PPP1R9A: variants seen among roughly 807,000 people sequenced by gnomAD.
PPP1R9A encodes protein phosphatase 1 regulatory subunit 9A, also known as neurabin-1.
In PPP1R9A, 59 loss-of-function variants were observed where a neutral mutation model predicts 141.9. The ratio of observed to expected loss-of-function variants is 0.42; its 90% CI spans 0.34 to 0.52. PPP1R9A has a LOEUF of 0.52. Ranked by LOEUF, PPP1R9A falls within the 20% of genes least tolerant of loss-of-function variation. The pLI, the probability that PPP1R9A is intolerant of heterozygous loss-of-function variation, is 0.10. For synonymous variants in PPP1R9A, 500 were observed against 569.7 expected (o/e 0.88, Z 1.74); for missense variants, 1,444 against 1,611.9 (o/e 0.90, Z 1.78).
In PPP1R9A at chr7:95,239,637, A is replaced by C. The variant is rs993712981; in HGVS notation, c.2113-7836A>C. On this transcript the variant is annotated intron_variant, in intron 8 of 19. Coordinates refer to ENST00000433360, the MANE Select transcript of PPP1R9A (RefSeq NM_001166160.2). The stretch of plus-strand genomic sequence containing the variant: ...AAAATTTAACCAATTTAAGTTTATA[A>C]TTATAATTATGCAAGATATAGGTGT... Among the ~76,000 whole-genome samples, 4 of 152,194 alleles carry C rather than the reference A, an allele frequency of 2.6e-5. No individual in the cohort carries two copies. The East Asian group carries it at 7.7e-4, about 29-fold the overall frequency.
chr7:95,096,096 A>G (rs560062399), intron 2 of PPP1R9A, among the ~76,000 whole-genome samples: 2 of 152,314 alleles, frequency 1.3e-5, no homozygotes, highest in South Asian at 4.1e-4. Context: ...TTTGACTCTT[A>G]CAGATAGTGC....
chr7:95,277,585 A>G (rs1803432651), intron 16 of PPP1R9A, among the ~76,000 whole-genome samples: 2 of 151,894 alleles, frequency 1.3e-5, no homozygotes, highest in African/African-American at 4.8e-5. Flanking sequence ...GTGTGCCACC[A>G]TGTCCAGCTT....
chr7:95,193,328 A>G (rs1245330909), intron 5 of PPP1R9A, among the ~76,000 whole-genome samples: 2 of 152,036 alleles, frequency 1.3e-5, no homozygotes, highest in Non-Finnish European at 2.9e-5. Context: ...CATGAGATGA[A>G]TTGTCTGTCT....
At chr7:95,134,685 T>G (rs1383793894) in intron 4 of PPP1R9A, among the ~76,000 whole-genome samples, 2 of 152,154 alleles carry the variant, frequency 1.3e-5, no homozygotes, top group Non-Finnish European at 2.9e-5. Flanking sequence ...TGTACCCACC[T>G]TGGCCCCCCA....
At chr7:95,205,244 A>T (rs1326642355) in intron 7 of PPP1R9A, among the ~76,000 whole-genome samples, 1 of 152,236 alleles carries the variant, frequency 6.6e-6, no homozygotes, top group Admixed American at 6.5e-5. Flanking sequence ...TATGATGCAA[A>T]TGATTTGAAT....
chr7:95,051,959 C>A (rs1182900449), intron 2 of PPP1R9A, among the ~76,000 whole-genome samples: 1 of 151,710 alleles, frequency 6.6e-6, no homozygotes, highest in African/African-American at 2.4e-5. Flanking sequence ...CCTGCCTCAG[C>A]TTACTGAGTA....
At chr7:95,045,142 C>T (rs1188038538) in intron 2 of PPP1R9A, among the ~76,000 whole-genome samples, 2 of 151,966 alleles carry the variant, frequency 1.3e-5, no homozygotes, top group Non-Finnish European at 2.9e-5. Context: ...CAAAGCTATA[C>T]GAATCTATGG....
In PPP1R9A at chr7:95,252,005, G is replaced by C; in HGVS notation, c.2540G>C (p.Gly847Ala). Residue 847 changes from glycine to alanine, a missense_variant, in exon 12 of 20, where the codon GGG becomes GCG. Physicochemically the swap from Gly to Ala is moderately conservative, Grantham distance 60. Transcript: ENST00000433360. ...GTATTCAGGCTACTGAAGCAAAATG[G>C]GACTCAAGTTAACAATAATAACAAC... ...AEVFRLLKQN[G>A]TQVNNNNNIF... 6.2e-7 allele frequency: 1 copy of C among 1,612,464 alleles called. No homozygotes were observed. Among genetic ancestry groups the C allele is most frequent in the Non-Finnish European group, 8.5e-7 (1 of 1,179,578 alleles).
At chr7:95,008,780 T>A (rs969387844) in intron 2 of PPP1R9A, among the ~76,000 whole-genome samples, 17 of 152,194 alleles carry the variant, frequency 1.1e-4, no homozygotes, top group Non-Finnish European at 2.1e-4. Flanking sequence ...CATTGAAGAA[T>A]GGGAGAGAGT....
rs192240887 is a variant in PPP1R9A, at chr7:95,103,619, C to T, written c.1396-7640C>T. Among the ~76,000 whole-genome samples the T allele has an allele frequency of 2.1e-3, 324 of 152,198 alleles. 2 individuals carry two copies. The highest frequency in any genetic ancestry group is 6.9e-3 in the African/African-American group (288 of 41,548). ...TCCTGACCTGGTGATCCGCCTGCCT[C>T]GGCCTCCCAAAGTGCTGGGATTACA... is the stretch of plus-strand genomic sequence containing the variant. On this transcript the variant is annotated intron_variant, in intron 2 of 19. Transcript: ENST00000433360.
At chr7:95,118,865 T>C (rs1821995887) in intron 3 of PPP1R9A, among the ~76,000 whole-genome samples, 1 of 150,434 alleles carries the variant, frequency 6.6e-6, no homozygotes, top group African/African-American at 2.4e-5. Flanking sequence ...TGGCTATAGT[T>C]CCAGCACCTC....
intron 2 of PPP1R9A, among the ~76,000 whole-genome samples, chr7:94,972,150 C>T (rs934745371): frequency 6.6e-6 from 1 of 152,176 alleles, no homozygotes; most frequent in African/African-American, 2.4e-5. Context: ...TTCATAAAAG[C>T]AGTTGTCTGT....
intron 2 of PPP1R9A, among the ~76,000 whole-genome samples, chr7:94,962,318 T>C (rs1016711704): frequency 1.3e-5 from 2 of 151,990 alleles, no homozygotes; most frequent in Non-Finnish European, 2.9e-5. Context: ...GCCTTAGCTG[T>C]TCTTAGGTTT....
rs1199507764 is a variant in PPP1R9A, at chr7:95,269,573, CTCATAA to C, written c.3124+73_3124+78del. 2.3e-6 allele frequency: 3 copies of C among 1,297,046 alleles called. No homozygotes were observed. In the African/African-American group the frequency reaches 4.7e-5, roughly 20 times the overall value. The allele number at this position is 1,297,046 out of a possible 1,614,324, so 80.3% of individuals were successfully genotyped here. On this transcript the variant is annotated intron_variant, in intron 14 of 19. Coordinates refer to ENST00000433360, the MANE Select transcript of PPP1R9A (RefSeq NM_001166160.2). ...TTGTACAGTATAAAAATGACTTTTT[CTCATAA>C]TCATAAGTCATTTGTTTTCTCATAG...
intron 5 of PPP1R9A, among the ~76,000 whole-genome samples, chr7:95,186,399 A>T (rs948337362): frequency 2.6e-5 from 4 of 152,084 alleles, no homozygotes; most frequent in African/African-American, 9.7e-5. Flanking sequence ...TATTTGTCAG[A>T]TCCAGGAGCT....
intron 2 of PPP1R9A, among the ~76,000 whole-genome samples, chr7:95,064,662 C>G (rs563862379): frequency 2.0e-4 from 30 of 152,302 alleles, no homozygotes; most frequent in Admixed American, 1.7e-3. Context: ...AAAAGCTCTA[C>G]AGATTTGAGG....
intron 8 of PPP1R9A, among the ~76,000 whole-genome samples, chr7:95,235,812 C>A (rs1000234099): frequency 1.9e-4 from 29 of 152,044 alleles, no homozygotes; most frequent in Non-Finnish European, 4.3e-4. Flanking sequence ...TACTACTCAG[C>A]CATAAAGAGG....
intron 3 of PPP1R9A, among the ~76,000 whole-genome samples, chr7:95,119,528 C>G (rs1341267804): frequency 6.6e-6 from 1 of 152,140 alleles, no homozygotes; most frequent in East Asian, 1.9e-4. Context: ...GATCTCAGCT[C>G]ACTGCAACAT....
chr7:95,144,318 G>T (rs1007522346), intron 4 of PPP1R9A, among the ~76,000 whole-genome samples: 3 of 152,092 alleles, frequency 2.0e-5, no homozygotes, highest in Admixed American at 6.5e-5. Flanking sequence ...CAAATAATAA[G>T]ATTTCCTTTT....
Sources: allele counts gnomAD v4.1 joint callset (sites outside exome capture counted in the v4.1 genomes callset), GRCh38; gene constraint gnomAD v4.1.1; transcripts MANE v1.5; gene names NCBI Gene and HGNC (gene_info 2026-07-23, HGNC 2026-07-21).